KCNJ3: variants seen among roughly 807,000 people sequenced by gnomAD.
The protein encoded by KCNJ3 is potassium inwardly rectifying channel subfamily J member 3, also known as G protein-activated inward rectifier potassium channel 1.
A neutral mutation model predicts 39.2 loss-of-function variants in KCNJ3; 4 were observed. The ratio of observed to expected loss-of-function variants is 0.10; its 90% CI spans 0.05 to 0.23. The LOEUF (loss-of-function observed/expected upper bound fraction) is 0.23. KCNJ3 is among the 10% of genes least tolerant of loss of function. KCNJ3 has a pLI of 1.00. For synonymous variants in KCNJ3, 230 were observed against 237.4 expected, an observed-to-expected ratio of 0.97 and a Z score of 0.29; for missense variants, 276 against 634.9, an observed-to-expected ratio of 0.43 and a Z score of 6.08.
chr2:154,765,986 C>T (rs1050471463), intron 2 of KCNJ3, among the ~76,000 whole-genome samples: 1 of 152,104 alleles, frequency 6.6e-6, no homozygotes, highest in Non-Finnish European at 1.5e-5. Flanking sequence ...AACAGTTGCA[C>T]ACACGCCATT....
intron 2 of KCNJ3, among the ~76,000 whole-genome samples, chr2:154,766,642 C>A (rs950120908): frequency 6.6e-6 from 1 of 152,042 alleles, no homozygotes; most frequent in East Asian, 1.9e-4. Context: ...CTGAAACCTC[C>A]ACCACCGGGT....
At chr2:154,845,492 A>ATAGTT (rs1687649173) in intron 2 of KCNJ3, among the ~76,000 whole-genome samples, 2 of 152,294 alleles carry the variant, frequency 1.3e-5, no homozygotes, top group South Asian at 4.1e-4. Context: ...TTGTAGTTAT[A>ATAGTT]TAGTTAAGAT....
At chr2:154,749,892 C>A (rs1355776457) in intron 2 of KCNJ3, among the ~76,000 whole-genome samples, 2 of 151,796 alleles carry the variant, frequency 1.3e-5, no homozygotes, top group Non-Finnish European at 2.9e-5. Flanking sequence ...TTAGATGGGA[C>A]CCACCTGAAT....
chr2:154,839,739 G>A (rs901998889), intron 2 of KCNJ3, among the ~76,000 whole-genome samples: 2 of 152,174 alleles, frequency 1.3e-5, no homozygotes, highest in Non-Finnish European at 2.9e-5. Flanking sequence ...CTTCCTTTGA[G>A]AAGTGTCTGT....
At chr2:154,835,893 T>C (rs1011340215) in intron 2 of KCNJ3, among the ~76,000 whole-genome samples, 2 of 152,206 alleles carry the variant, frequency 1.3e-5, no homozygotes, top group African/African-American at 4.8e-5. Flanking sequence ...ATTTTATATC[T>C]AGACCTTGGC....
chr2:154,710,422 A>G (rs934660627), intron 2 of KCNJ3, among the ~76,000 whole-genome samples: 2 of 152,164 alleles, frequency 1.3e-5, no homozygotes, highest in African/African-American at 4.8e-5. Context: ...GCTATGTGCT[A>G]TATGTTTCTC....
At chr2:154,787,883 A>G (rs1686561446) in intron 2 of KCNJ3, among the ~76,000 whole-genome samples, 1 of 152,160 alleles carries the variant, frequency 6.6e-6, no homozygotes, top group Non-Finnish European at 1.5e-5. Context: ...ACTAAATGAG[A>G]TCTAGTACCT....
At chr2:154,802,244 G>T (rs148608789) in intron 2 of KCNJ3, among the ~76,000 whole-genome samples, 1 of 150,530 alleles carries the variant, frequency 6.6e-6, no homozygotes, top group East Asian at 2.0e-4. Context: ...TAGCTTGCTT[G>T]TCACCCAGTT....
At chr2:154,708,121 C>A (rs1461047485) in intron 1 of KCNJ3, among the ~76,000 whole-genome samples, 2 of 150,512 alleles carry the variant, frequency 1.3e-5, no homozygotes, top group Non-Finnish European at 2.9e-5. Flanking sequence ...TCATAGCCTT[C>A]TTTTTTCAGC....
intron 2 of KCNJ3, among the ~76,000 whole-genome samples, chr2:154,760,962 C>T (rs1686030174): frequency 6.6e-6 from 1 of 151,196 alleles, no homozygotes; most frequent in African/African-American, 2.4e-5. Flanking sequence ...TGGTCTCAAT[C>T]TCCTGACCTC....
At chr2:154,738,935 G>A (rs1008611616) in intron 2 of KCNJ3, among the ~76,000 whole-genome samples, 4 of 151,848 alleles carry the variant, frequency 2.6e-5, no homozygotes, top group African/African-American at 9.7e-5. Context: ...ACATGGAAAT[G>A]GTGACTATAT....
chr2:154,821,060 T>C (rs547156670), intron 2 of KCNJ3, among the ~76,000 whole-genome samples: 1 of 152,216 alleles, frequency 6.6e-6, no homozygotes, highest in Non-Finnish European at 1.5e-5. Context: ...CTCTTAATTA[T>C]ACTCATTATT....
At chr2:154,766,035 C>T (rs1020701353) in intron 2 of KCNJ3, among the ~76,000 whole-genome samples, 7 of 152,132 alleles carry the variant, frequency 4.6e-5, no homozygotes, top group Non-Finnish European at 4.4e-5. Flanking sequence ...AAATGAAATG[C>T]TATTTTTCTG....
At position 154,780,264 on chromosome 2, in the gene KCNJ3, C is replaced by A. The variant is rs117447614; in HGVS notation, c.919+70445C>A. Among the ~76,000 whole-genome samples, 6 of 152,270 alleles carry A rather than the reference C, an allele frequency of 3.9e-5. No individual in the cohort carries two copies. The East Asian group carries it at 1.2e-3, about 29-fold the overall frequency. On this transcript the variant is annotated intron_variant, in intron 2 of 2. Coordinates refer to ENST00000295101, the MANE Select transcript of KCNJ3 (RefSeq NM_002239.4). ...ACATGGATTAAGGTGTGTGTGTGTA[C>A]ATGCACACTCTCGCACAAGTTTATG...
Position 154,699,025 on chromosome 2 carries a change from C to G in KCNJ3, c.250C>G (p.Leu84Val), listed in dbSNP as rs1029458808. 6.2e-7 allele frequency: 1 copy of G among 1,614,108 alleles called. No homozygotes were observed. Among genetic ancestry groups the G allele is most frequent in the African/African-American group, 1.3e-5 (1 of 74,940 alleles). Residue 84 changes from leucine to valine, a missense_variant, in exon 1 of 3, where the codon CTC (leucine) becomes GTC (valine). Coordinates refer to ENST00000295101, the MANE Select transcript of KCNJ3 (RefSeq NM_002239.4). The surrounding 1 kb of genome is among the most constrained non-coding windows in gnomAD (Gnocchi z 6.4). ...TLVDLKWRWN[L>V]FIFILTYTVA... ...GGTGGACCTCAAGTGGCGCTGGAACCTCTTCATCTTCATTCTCACCTACAC... is the reference window on the plus strand; with the variant it reads ...GGTGGACCTCAAGTGGCGCTGGAACGTCTTCATCTTCATTCTCACCTACAC...
chr2:154,845,615 GA>G (rs1687651051), intron 2 of KCNJ3, among the ~76,000 whole-genome samples: 1 of 152,110 alleles, frequency 6.6e-6, no homozygotes, highest in Non-Finnish European at 1.5e-5. Context: ...GGAGAAAGCA[GA>G]AAAAAGTTTG....
intron 2 of KCNJ3, among the ~76,000 whole-genome samples, chr2:154,793,890 T>C (rs1444229339): frequency 6.6e-6 from 1 of 152,048 alleles, no homozygotes; most frequent in Non-Finnish European, 1.5e-5. Flanking sequence ...TTGGATTTAA[T>C]GCCTCTAGGC....
chr2:154,703,354 T>G (rs1046712932), intron 1 of KCNJ3, among the ~76,000 whole-genome samples: 6 of 152,086 alleles, frequency 3.9e-5, no homozygotes, highest in African/African-American at 1.4e-4. Context: ...TCCTCTTTCT[T>G]TCCTAAGAGG....
intron 2 of KCNJ3, among the ~76,000 whole-genome samples, chr2:154,782,996 G>A (rs1686465008): frequency 6.6e-6 from 1 of 152,138 alleles, no homozygotes; most frequent in East Asian, 1.9e-4. Context: ...GCCCAACATG[G>A]GGAAACCCCG....
Sources: gnomAD v4.1 joint callset for allele counts (sites outside exome capture counted in the v4.1 genomes callset) on GRCh38, gnomAD v4.1.1 for gene constraint, Gnocchi (gnomAD v3.1) non-coding constraint, MANE v1.5 for transcripts, NCBI Gene and HGNC (gene_info 2026-07-23, HGNC 2026-07-21) for gene names.